Variants in CEP128 observed in about 807,000 individuals in gnomAD.
The protein encoded by CEP128 is centrosomal protein 128kDa.
CEP128 carries 132 observed loss-of-function variants against 156.7 expected under a neutral mutation model. The observed-to-expected ratio is 0.84, with a 90% CI of 0.73 to 0.97. The LOEUF is 0.97. Ranked by LOEUF, CEP128 falls within the 50% of genes least tolerant of loss-of-function variation. The pLI is 0.00. For synonymous variants in CEP128, 469 were observed against 448.9 expected (o/e 1.04, Z -0.57); for missense variants, 1,252 against 1,281.9 (o/e 0.98, Z 0.36).
chr14:80,678,047 A>ATATATATATAT (rs1555390193), intron 19 of CEP128, among the ~76,000 whole-genome samples: 11,927 of 67,808 alleles, frequency 0.18, 783 homozygotes, highest in East Asian at 0.33. Context: ...CTATAAAAAA[A>ATATATATATAT]AAATATATAT....
chr14:80,891,274 T>C (rs934949750), intron 8 of CEP128, among the ~76,000 whole-genome samples: 1 of 151,964 alleles, frequency 6.6e-6, no homozygotes. Context: ...TGCAGCACTA[T>C]CCACAATAGC....
intron 19 of CEP128, among the ~76,000 whole-genome samples, chr14:80,619,398 A>ACACACACACACG (rs1893373236): frequency 6.6e-6 from 1 of 151,580 alleles, no homozygotes; most frequent in Admixed American, 6.6e-5. Flanking sequence ...ACACACACAC[A>ACACACACACACG]CACACACAAA....
intron 19 of CEP128, among the ~76,000 whole-genome samples, chr14:80,629,412 GTATT>G (rs1368462448): frequency 1.3e-5 from 2 of 152,008 alleles, no homozygotes; most frequent in African/African-American, 4.8e-5. Context: ...GGGCTTTTAT[GTATT>G]TATTTATATT....
intron 2 of CEP128, among the ~76,000 whole-genome samples, chr14:80,951,188 G>A (rs1304680907): frequency 6.6e-6 from 1 of 152,116 alleles, no homozygotes; most frequent in Non-Finnish European, 1.5e-5. Context: ...CAAAAGGAAA[G>A]TGACAGCAGT....
intron 4 of CEP128, among the ~76,000 whole-genome samples, chr14:80,911,276 A>T (rs1008726244): frequency 5.3e-5 from 8 of 152,204 alleles, no homozygotes; most frequent in Admixed American, 3.9e-4. Context: ...AGGCGGAAGG[A>T]TCACTTGGGC....
chr14:80,758,862 AC>A (rs1391898374), intron 17 of CEP128, among the ~76,000 whole-genome samples: 2 of 152,218 alleles, frequency 1.3e-5, no homozygotes, highest in Non-Finnish European at 2.9e-5. Flanking sequence ...ATAACTGGGG[AC>A]ATGAACTCTT....
At chr14:80,556,316 T>G (rs1434427984) in intron 21 of CEP128, among the ~76,000 whole-genome samples, 1 of 152,196 alleles carries the variant, frequency 6.6e-6, no homozygotes, top group East Asian at 1.9e-4. Context: ...TCACAACTAC[T>G]GGACTAATGC....
intron 8 of CEP128, among the ~76,000 whole-genome samples, chr14:80,876,360 G>A (rs1056720850): frequency 1.3e-4 from 20 of 152,120 alleles, no homozygotes; most frequent in Non-Finnish European, 2.8e-4. Flanking sequence ...CACTTTGGGA[G>A]GCCAAGGAGG....
intron 14 of CEP128, among the ~76,000 whole-genome samples, chr14:80,483,497 C>T (rs1173535533): frequency 6.6e-6 from 1 of 152,210 alleles, no homozygotes; most frequent in Admixed American, 6.5e-5. Flanking sequence ...ATGATTTAAA[C>T]TATCAGGCAG....
intron 6 of CEP128, among the ~76,000 whole-genome samples, chr14:80,901,931 T>C (rs571966751): frequency 6.6e-6 from 1 of 152,356 alleles, no homozygotes; most frequent in Admixed American, 6.5e-5. Flanking sequence ...CGGCTCTACA[T>C]AATCTCAGCC....
Position 80,862,861 on chromosome 14 carries a change from C to T in CEP128, c.658G>A (p.Val220Met), listed in dbSNP as rs1362006033. ...AQKQEVVSDR[V>M]ERRLQELERE... ...TCCAGTTCCTGAAGCCGCCGCTCCA[C>T]CCGATCTGAAACCTTAATAAGAATT... The change falls in exon 9 of 25, where the codon GTG becomes ATG. Residue 220 changes from valine to methionine, a missense_variant. Coordinates refer to ENST00000555265, the MANE Select transcript of CEP128 (RefSeq NM_152446.5). 3 of 1,613,484 alleles carry T rather than the reference C, an allele frequency of 1.9e-6. No individual in the cohort carries two copies. The highest frequency in any genetic ancestry group is 2.5e-6 in the Non-Finnish European group (3 of 1,179,590).
At chr14:80,625,493 AT>A (rs1245992004) in intron 19 of CEP128, among the ~76,000 whole-genome samples, 2 of 152,076 alleles carry the variant, frequency 1.3e-5, no homozygotes, top group Admixed American at 6.6e-5. Context: ...TTTATGAAGA[AT>A]ATCATTAGTA....
intron 19 of CEP128, among the ~76,000 whole-genome samples, chr14:80,690,830 G>C (rs1215362340): frequency 6.6e-6 from 1 of 151,964 alleles, no homozygotes. Flanking sequence ...TAAATATGAT[G>C]ATTTAATAGC....
intron 19 of CEP128, among the ~76,000 whole-genome samples, chr14:80,714,592 C>A (rs529173437): frequency 2.6e-3 from 388 of 152,154 alleles, no homozygotes; most frequent in Non-Finnish European, 4.6e-3. Context: ...AAGAACGGAT[C>A]TAGAAAATTA....
At chr14:80,678,637 G>A (rs1896188146) in intron 19 of CEP128, among the ~76,000 whole-genome samples, 2 of 152,208 alleles carry the variant, frequency 1.3e-5, no homozygotes, top group Admixed American at 1.3e-4. Flanking sequence ...TGAATGAAGT[G>A]CCAATACATG....
intron 14 of CEP128, among the ~76,000 whole-genome samples, chr14:80,483,643 A>G (rs1016738797): frequency 1.3e-5 from 2 of 152,248 alleles, no homozygotes; most frequent in Non-Finnish European, 1.5e-5. Flanking sequence ...TGGTAAGGAA[A>G]GATGGTTGAG....
intron 3 of CEP128, 68 bp from the exon 4 acceptor site, chr14:80,914,476 A>T: frequency 8.7e-7 from 1 of 1,144,936 alleles, no homozygotes; most frequent in Non-Finnish European, 1.3e-6. Context: ...TCTTAGTAGT[A>T]TGTCAATCAA....
intron 19 of CEP128, among the ~76,000 whole-genome samples, chr14:80,717,341 G>T (rs541968050): frequency 8.5e-5 from 13 of 152,258 alleles, no homozygotes; most frequent in African/African-American, 3.1e-4. Flanking sequence ...CTAATAGAAG[G>T]CTATAACATT....
intron 16 of CEP128, 68 bp downstream of exon 16, chr14:80,777,813 TA>T: frequency 8.3e-7 from 1 of 1,209,090 alleles, no homozygotes; most frequent in Non-Finnish European, 1.2e-6. Context: ...TGTTGATATA[TA>T]AAATATTTTC....
Sources: allele counts gnomAD v4.1 joint callset (sites outside exome capture counted in the v4.1 genomes callset), GRCh38; gene constraint gnomAD v4.1.1; transcripts MANE v1.5; gene names NCBI Gene and HGNC (gene_info 2026-07-23, HGNC 2026-07-21).